Variants in PLEKHG5 observed in about 807,000 individuals in gnomAD.
PLEKHG5 encodes the protein pleckstrin homology domain-containing family G member 5.
PLEKHG5 carries 52 observed loss-of-function variants against 103.8 expected under a neutral mutation model. The observed-to-expected ratio is 0.50, with a 90% CI of 0.40 to 0.63. The LOEUF (loss-of-function observed/expected upper bound fraction) is 0.63, where lower values mean the gene tolerates loss of function less well. Ranked by LOEUF, PLEKHG5 falls within the 30% of genes least tolerant of loss-of-function variation. PLEKHG5 has a pLI of 0.00. For synonymous variants in PLEKHG5, 592 were observed against 575.5 expected, an observed-to-expected ratio of 1.03 and a Z score of -0.41; for missense variants, 1,205 against 1,347.6, an observed-to-expected ratio of 0.89 and a Z score of 1.66.
In PLEKHG5 at chr1:6,474,491, G is replaced by A. The variant is rs369888151; in HGVS notation, c.399C>T (p.Phe133=). 40 of 1,613,850 alleles carry A rather than the reference G, an allele frequency of 2.5e-5. No individual in the cohort carries two copies. Among genetic ancestry groups the A allele is most frequent in the African/African-American group, 5.3e-5 (4 of 74,924 alleles). ...DQSNTPLSLT[F]EAYRFGGHYL... is the part of the protein sequence containing the mutation. ...AGTGTCCCCCGAACCTGTAGGCCTC[G>A]AAGGTGAGGGACAGGGGTGTGTTGG... Residue 133 remains phenylalanine (F), a synonymous_variant, in exon 6 of 21, where the codon TTC becomes TTT. Coordinates refer to ENST00000377728, the MANE Select transcript of PLEKHG5 (RefSeq NM_020631.6).
chr1:6,498,823 G>A (rs1283367242), upstream of PLEKHG5, among the ~76,000 whole-genome samples: 2 of 152,240 alleles, frequency 1.3e-5, no homozygotes, highest in Admixed American at 1.3e-4. Flanking sequence ...AGCCATCCAA[G>A]GGGCCAGCGA....
chr1:6,515,409 C>G (rs1469763091), intron 1 of PLEKHG5, among the ~76,000 whole-genome samples: 1 of 152,122 alleles, frequency 6.6e-6, no homozygotes, highest in Non-Finnish European at 1.5e-5. Flanking sequence ...CGCCTGTAGT[C>G]CCAGCTATTG....
Position 6,505,242 on chromosome 1 carries a change from T to G in PLEKHG5, c.-164-8673A>C, listed in dbSNP as rs986325884. ...ACAGAGCTAGGTCCCCAGCCCACAG[T>G]GCCGGTCAGCCCACTGTGCCGACCA... On this transcript the variant is annotated intron_variant, in intron 1 of 21. Transcript: ENST00000377740. This position sits in a 1 kb window ranked among gnomAD's most constrained non-coding sequence, Gnocchi z 4.2. Among the ~76,000 whole-genome samples, 1 of 152,062 alleles carries G rather than the reference T, an allele frequency of 6.6e-6. No homozygotes were observed. The highest frequency in any genetic ancestry group is 6.5e-5 in the Admixed American group (1 of 15,276).
upstream of PLEKHG5, among the ~76,000 whole-genome samples, chr1:6,492,446 C>T (rs940590666): frequency 6.6e-6 from 1 of 152,130 alleles, no homozygotes; most frequent in African/African-American, 2.4e-5. Context: ...CATTAGTCTG[C>T]CTTGATCTCC....
chr1:6,483,286 G>A (rs532737088), intron 1 of PLEKHG5, among the ~76,000 whole-genome samples: 1 of 152,290 alleles, frequency 6.6e-6, no homozygotes, highest in Admixed American at 6.5e-5. Flanking sequence ...CTGGGGACAG[G>A]ATGACCCAGA....
rs1184812269 is a variant in PLEKHG5 at position 6,471,019 on chromosome 1, C to T, written c.1363G>A (p.Asp455Asn). The T allele has an allele frequency of 6.2e-7, 1 of 1,605,734 alleles. No individual in the cohort carries two copies. Among genetic ancestry groups the T allele is most frequent in the African/African-American group, 1.3e-5 (1 of 74,634 alleles). ...ATGTAGGCCCGGAAGAGGTCGTTGT[C>T]GCGCAGCAGGCCGCGCATGTACTCC... Reference protein sequence around the residue: ...CMEYMRGLLRDNDLFRAYITW... With the variant: ...CMEYMRGLLRNNDLFRAYITW... The change falls in exon 13 of 21, where the codon GAC becomes AAC. Residue 455 changes from aspartate to asparagine, a missense_variant. By Grantham distance (23) the Asp-to-Asn change is conservative. Transcript: ENST00000377728.
chr1:6,511,570 A>G (rs1638472262), intron 1 of PLEKHG5, among the ~76,000 whole-genome samples: 1 of 152,184 alleles, frequency 6.6e-6, no homozygotes, highest in African/African-American at 2.4e-5. Context: ...GAGGGGTCCC[A>G]CACACTCCTG....
At chr1:6,475,631 G>A (rs1276981847) in intron 3 of PLEKHG5, 109 bp from the exon 4 acceptor site, 2 of 964,766 alleles carry the variant, frequency 2.1e-6, no homozygotes, top group Non-Finnish European at 3.3e-6. Context: ...CAGGTGACAG[G>A]TAACCCGCGT....
intron 20 of PLEKHG5, 87 bp downstream of exon 20, chr1:6,467,738 C>T: frequency 6.5e-7 from 1 of 1,545,440 alleles, no homozygotes; most frequent in Non-Finnish European, 8.9e-7. Context: ...CGCCATGACC[C>T]TCCCCAAATG....
upstream of PLEKHG5, among the ~76,000 whole-genome samples, chr1:6,499,068 T>G (rs565194813): frequency 1.2e-4 from 18 of 152,294 alleles, no homozygotes; most frequent in Non-Finnish European, 2.5e-4. Context: ...GCCTGGGACT[T>G]CTCCAGCTGA....
In PLEKHG5 at chr1:6,467,848, C is replaced by T. The variant is rs1204212563; in HGVS notation, c.2988G>A (p.Leu996=). 6.2e-7 allele frequency: 1 copy of T among 1,613,276 alleles called. No homozygotes were observed. The highest frequency in any genetic ancestry group is 8.5e-7 in the Non-Finnish European group (1 of 1,179,906). The change falls in exon 20 of 21, where the codon CTG becomes CTA. Residue 996 remains leucine (L), a synonymous_variant. Coordinates refer to ENST00000377728, the MANE Select transcript of PLEKHG5 (RefSeq NM_020631.6). ...ACGAGGCAGTGAGCGTGGAGTTAAGCAGCAGGGTGGTCCTGATTCGGTAGA... is the reference window on the plus strand; with the variant it reads ...ACGAGGCAGTGAGCGTGGAGTTAAGTAGCAGGGTGGTCCTGATTCGGTAGA... The part of the protein sequence containing the change: ...AQLYRIRTTL[L]LNSTLTASEV
chr1:6,467,425 C>G lies in PLEKHG5; in HGVS notation c.*138G>C. 1.1e-6 allele frequency: 1 copy of G among 938,710 alleles called. No homozygotes were observed. Among genetic ancestry groups the G allele is most frequent in the Non-Finnish European group, 1.8e-6 (1 of 570,824 alleles). The allele number at this position is 938,710 out of a possible 1,614,324, so 58.1% of individuals were successfully genotyped here. On this transcript the variant is annotated 3_prime_UTR_variant, in exon 21 of 21. Coordinates refer to ENST00000377728, the MANE Select transcript of PLEKHG5 (RefSeq NM_020631.6). ...AGTCCGGCAAAGCGCAAATCGGGCCCGGGCGTAGGCAGGGATCCTGCCCAG... is the reference window on the plus strand; with the variant it reads ...AGTCCGGCAAAGCGCAAATCGGGCCGGGGCGTAGGCAGGGATCCTGCCCAG...
upstream of PLEKHG5, among the ~76,000 whole-genome samples, chr1:6,498,408 C>G (rs991000689): frequency 3.9e-5 from 6 of 152,162 alleles, no homozygotes; most frequent in African/African-American, 1.4e-4. Context: ...GGTGCCTGCC[C>G]CAAGGACTCC....
intron 1 of PLEKHG5, among the ~76,000 whole-genome samples, chr1:6,485,056 G>A (rs1421240637): frequency 6.6e-6 from 1 of 152,036 alleles, no homozygotes; most frequent in East Asian, 1.9e-4. Context: ...ACCCACAGGT[G>A]TGTCCGGAGC....
intron 1 of PLEKHG5, among the ~76,000 whole-genome samples, chr1:6,484,630 G>A (rs1458468167): frequency 6.6e-6 from 1 of 152,078 alleles, no homozygotes. Context: ...GACTCCCCCA[G>A]CACTAGGGCG....
chr1:6,485,397 G>A (rs930568858), intron 1 of PLEKHG5: 7 of 1,369,228 alleles, frequency 5.1e-6, no homozygotes, highest in South Asian at 1.7e-5. Context: ...CCCCGGGCCC[G>A]GCCTGGAGGC....
chr1:6,519,957 G>T, exon 1 of PLEKHG5: 1 of 246,926 alleles, frequency 4.0e-6, no homozygotes. Flanking sequence ...AATCCCAGCA[G>T]CCAGCAGCAG....
Position 6,472,520 on chromosome 1 carries a change from TA to T in PLEKHG5, c.1080+6del. The T allele has an allele frequency of 6.3e-7, 1 of 1,595,904 alleles. No homozygotes were observed. Among genetic ancestry groups the T allele is most frequent in the Non-Finnish European group, 8.6e-7 (1 of 1,163,874 alleles). ...TGGCCACGGGGACCAGCGCAGCCCC[TA>T]CTCACGTTGATGATCACCCGCAGTT... On this transcript the variant is annotated splice_donor_region_variant and intron_variant, in intron 10 of 20. Coordinates refer to ENST00000377728, the MANE Select transcript of PLEKHG5 (RefSeq NM_020631.6).
chr1:6,517,351 T>C (rs1638654891), intron 1 of PLEKHG5, among the ~76,000 whole-genome samples: 1 of 145,550 alleles, frequency 6.9e-6, no homozygotes, highest in African/African-American at 2.5e-5. Context: ...ATGCTGAGAA[T>C]AGGTGACCAT....
Sources: gnomAD v4.1 joint callset for allele counts (sites outside exome capture counted in the v4.1 genomes callset) on GRCh38, gnomAD v4.1.1 for gene constraint, Gnocchi (gnomAD v3.1) non-coding constraint, MANE v1.5 for transcripts, NCBI Gene and HGNC (gene_info 2026-07-23, HGNC 2026-07-21) for gene names.